Variants in USP8 observed in about 807,000 individuals in gnomAD.
USP8 encodes ubiquitin carboxyl-terminal hydrolase 8.
Under a neutral mutation model 130.0 loss-of-function variants are expected in USP8, and 27 were observed. That is an observed-to-expected ratio of 0.21 (90% CI 0.15 to 0.29). USP8 has a LOEUF of 0.29. Among genes scored for constraint, USP8 ranks in the 10% least tolerant of loss-of-function variants. The probability of loss-of-function intolerance (pLI) is 1.00; values close to 1 mark genes in which losing one functional copy is unlikely to be tolerated. For synonymous variants in USP8, 392 were observed against 444.1 expected, an observed-to-expected ratio of 0.88 and a Z score of 1.48; for missense variants, 1,029 against 1,312.2, an observed-to-expected ratio of 0.78 and a Z score of 3.33.
chr15:50,458,817 TGG>T (rs1415499601), intron 4 of USP8, among the ~76,000 whole-genome samples, 181 bp from the exon 5 acceptor site: 1 of 152,190 alleles, frequency 6.6e-6, no homozygotes, highest in Non-Finnish European at 1.5e-5. Flanking sequence ...TTAATAGTTC[TGG>T]GCAATTTGAA....
At chr15:50,497,353 A>C (rs1313565682) in intron 18 of USP8, 122 bp downstream of exon 18, 1 of 1,241,426 alleles carries the variant, frequency 8.1e-7, no homozygotes, top group East Asian at 2.7e-5. Context: ...TTATCTGGTT[A>C]CAGTAGATCT....
intron 12 of USP8, among the ~76,000 whole-genome samples, chr15:50,488,110 G>C (rs2052026861): frequency 6.6e-6 from 1 of 152,086 alleles, no homozygotes; most frequent in Non-Finnish European, 1.5e-5. Context: ...AGAAGTTTTT[G>C]TGGAAGTCCA....
intron 6 of USP8, among the ~76,000 whole-genome samples, chr15:50,462,701 G>A (rs934466371): frequency 6.6e-6 from 1 of 152,084 alleles, no homozygotes; most frequent in African/African-American, 2.4e-5. Context: ...CTTTCCGCCT[G>A]GTTTTCAGAA....
chr15:50,461,404 A>G (rs951300871), intron 5 of USP8, among the ~76,000 whole-genome samples: 14 of 146,752 alleles, frequency 9.5e-5, no homozygotes, highest in Non-Finnish European at 1.9e-4. Context: ...TCCAGGCTGC[A>G]GTGATCATGC....
chr15:50,495,992 C>G lies in USP8; in HGVS notation c.2803C>G (p.Gln935Glu), dbSNP rs1335914513. 1.9e-6 allele frequency: 3 copies of G among 1,613,882 alleles called. No individual in the cohort carries two copies. The highest frequency in any genetic ancestry group is 2.5e-6 in the Non-Finnish European group (3 of 1,180,032). Residue 935 changes from glutamine (Q) to glutamate (E), a missense_variant, in exon 17 of 20, where the codon CAG becomes GAG. Coordinates refer to ENST00000307179, the MANE Select transcript of USP8 (RefSeq NM_005154.5). ...TCAGGGTCAATTCAAATCTACAGTA[C>G]AGTGCCTCACATGTCACAAAAAGTC... ...LFQGQFKSTVQCLTCHKKSRT... is the reference protein window; with the variant it reads ...LFQGQFKSTVECLTCHKKSRT...
Position 50,508,063 on chromosome 15 carries a change from C to CT in USP8, c.*8976dup, listed in dbSNP as rs890689022. 4 of 104,222 alleles carry CT rather than the reference C, an allele frequency of 3.8e-5. No individual in the cohort carries two copies. Among genetic ancestry groups the CT allele is most frequent in the African/African-American group, 1.6e-4 (4 of 25,238 alleles). 6.5% of individuals were successfully genotyped at this position (104,222 alleles called of 1,614,324 possible). On this transcript the variant is annotated 3_prime_UTR_variant, in exon 20 of 20. Coordinates refer to ENST00000307179, the MANE Select transcript of USP8 (RefSeq NM_005154.5). ...CTAGCCCGGGCGACAGTGCAAGACT[C>CT]TGTCTCAAAAAAAAAAAAAAAAAAA...
At chr15:50,484,181 C>T in intron 11 of USP8, 94 bp from the exon 12 acceptor site, 15 of 886,128 alleles carry the variant, frequency 1.7e-5, no homozygotes, top group South Asian at 4.7e-5. Context: ...TTTACATTTT[C>T]ATTCTCATAG....
chr15:50,472,026 G>T lies in USP8; in HGVS notation c.849+231G>T, dbSNP rs144038665. Among the ~76,000 whole-genome samples, 1,111 of 151,078 alleles carry T rather than the reference G, an allele frequency of 7.4e-3. 11 individuals carry two copies. The highest frequency in any genetic ancestry group is 0.013 in the Non-Finnish European group (871 of 67,860). On this transcript the variant is annotated intron_variant, in intron 8 of 19. Coordinates refer to ENST00000307179, the MANE Select transcript of USP8 (RefSeq NM_005154.5). The stretch of plus-strand genomic sequence containing the variant: ...AGCGATTCTCCTGCCTCAGCCTCCT[G>T]AGTAGCTGGGACTGCAGGCGTGAGC...
intron 4 of USP8, among the ~76,000 whole-genome samples, chr15:50,453,665 C>T (rs759396585): frequency 6.6e-5 from 10 of 152,078 alleles, no homozygotes; most frequent in Non-Finnish European, 1.5e-4. Context: ...TCTTTACTGA[C>T]TGTGGGATGG....
intron 1 of USP8, among the ~76,000 whole-genome samples, chr15:50,425,959 T>TA (rs977933564): frequency 1.3e-5 from 2 of 152,022 alleles, no homozygotes; most frequent in African/African-American, 4.8e-5. Context: ...CGGTCTCTAC[T>TA]AAAAATACAA....
intron 12 of USP8, among the ~76,000 whole-genome samples, chr15:50,487,918 G>T (rs765064591): frequency 2.6e-5 from 4 of 152,220 alleles, no homozygotes; most frequent in African/African-American, 7.2e-5. Flanking sequence ...GGTGGCACAA[G>T]CCTGCAGACC....
chr15:50,460,859 T>C (rs1463982830), intron 5 of USP8, among the ~76,000 whole-genome samples: 1 of 152,124 alleles, frequency 6.6e-6, no homozygotes, highest in Non-Finnish European at 1.5e-5. Context: ...ATTCCTTTCA[T>C]TAAAAAGTCG....
At chr15:50,466,800 G>A (rs982061881) in intron 7 of USP8, 16 of 259,954 alleles carry the variant, frequency 6.2e-5, no homozygotes, top group African/African-American at 1.6e-4. Flanking sequence ...CACTGAATTC[G>A]AATCACTCTC....
At chr15:50,496,722 A>T (rs1438809071) in intron 17 of USP8, among the ~76,000 whole-genome samples, 1 of 152,198 alleles carries the variant, frequency 6.6e-6, no homozygotes, top group Non-Finnish European at 1.5e-5. Flanking sequence ...ACATGGGGAT[A>T]TCAAATAAAT....
At position 50,453,461 on chromosome 15, in the gene USP8, T is replaced by C. The variant is rs1438904296; in HGVS notation, c.335+3976T>C. On this transcript the variant is annotated intron_variant, in intron 4 of 19. Coordinates refer to ENST00000307179, the MANE Select transcript of USP8 (RefSeq NM_005154.5). ...CATATGTGGGATTCTTCTTATATCTTATTGATTTCTAATTTAATTTCATTG... is the reference window on the plus strand; with the variant it reads ...CATATGTGGGATTCTTCTTATATCTCATTGATTTCTAATTTAATTTCATTG... 2.0e-5 allele frequency among the ~76,000 whole-genome samples: 3 copies of C among 152,236 alleles called. No individual in the cohort carries two copies. In the East Asian group the frequency reaches 5.8e-4, roughly 29 times the overall value.
In USP8 at chr15:50,438,253, A is replaced by G. The variant is rs530570057; in HGVS notation, c.-65-756A>G. ...ATGTTCATTGATGTCCATTTGTTTA[A>G]TGATAGTGAACTGGTAGAATGAAGA... On this transcript the variant is annotated intron_variant, in intron 1 of 19. Transcript: ENST00000307179. Among the ~76,000 whole-genome samples, 50 of 152,296 alleles carry G rather than the reference A, an allele frequency of 3.3e-4. 1 individual carries two copies. The highest frequency in any genetic ancestry group is 1.2e-3 in the African/African-American group (50 of 41,550).
chr15:50,434,542 G>A (rs769730430), intron 1 of USP8, among the ~76,000 whole-genome samples: 5 of 151,812 alleles, frequency 3.3e-5, no homozygotes, highest in South Asian at 4.2e-4. Context: ...TTAGAAGCAC[G>A]TTAATTTTTC....
At chr15:50,485,542 G>A (rs1342472488) in intron 12 of USP8, among the ~76,000 whole-genome samples, 2 of 86,444 alleles carry the variant, frequency 2.3e-5, no homozygotes, top group African/African-American at 3.8e-5. Context: ...TTAGCATGCA[G>A]TTTAGTGATT....
At position 50,439,086 on chromosome 15, in the gene USP8, G is replaced by A; in HGVS notation, c.13G>A (p.Ala5Thr). MPAV[A>T]SVPKELYLSS... is the part of the protein sequence containing the mutation. Reference sequence around the variant, plus strand: ...AAGATAATTCATCATGCCTGCTGTGGCTTCAGTTCCTAAAGAACTCTACCT... The same window carrying A: ...AAGATAATTCATCATGCCTGCTGTGACTTCAGTTCCTAAAGAACTCTACCT... The change falls in exon 2 of 20, where the codon GCT (alanine) becomes ACT (threonine). Residue 5 changes from alanine (A) to threonine (T), a missense_variant. Transcript: ENST00000307179. The A allele has an allele frequency of 6.2e-7, 1 of 1,608,962 alleles. No individual in the cohort carries two copies. Among genetic ancestry groups the A allele is most frequent in the Non-Finnish European group, 8.5e-7 (1 of 1,178,332 alleles).
Sources: gnomAD v4.1 joint callset for allele counts (sites outside exome capture counted in the v4.1 genomes callset) on GRCh38, gnomAD v4.1.1 for gene constraint, MANE v1.5 for transcripts, NCBI Gene and HGNC (gene_info 2026-07-23, HGNC 2026-07-21) for gene names.